The following ANKRD50 variants were observed in gnomAD, a reference collection of about 807,000 sequenced individuals.
ANKRD50 encodes the protein ankyrin repeat domain-containing protein 50.
In ANKRD50, 40 loss-of-function variants were observed where a neutral mutation model predicts 112.0. The observed-to-expected ratio is 0.36, with a 90% confidence interval of 0.28 to 0.46. The LOEUF is 0.46. Ranked by LOEUF, ANKRD50 falls within the 20% of genes least tolerant of loss-of-function variation. The pLI is 1.00. For missense variants in ANKRD50, 1,487 were observed against 1,701.7 expected (o/e 0.87, Z 2.22); for synonymous variants, 613 against 619.1 (o/e 0.99, Z 0.15).
At position 124,668,993 on chromosome 4, in the gene ANKRD50, T is replaced by C. The variant is rs756142279; in HGVS notation, c.4284A>G (p.Pro1428=). Residue 1428 remains proline (P), a synonymous_variant, in exon 4 of 5, where the codon CCA becomes CCG. Coordinates refer to ENST00000504087, the MANE Select transcript of ANKRD50 (RefSeq NM_020337.3). ...GTTGACAAAATATTACCTTTTATAA[T>C]GGTGTTTCCTTTTTATAGTTGAAGC... ...DPSFNYKKET[P]L 24 of 1,598,710 alleles carry C rather than the reference T, an allele frequency of 1.5e-5. No homozygotes were observed. Among genetic ancestry groups the C allele is most frequent in the Admixed American group, 7.3e-5 (4 of 54,954 alleles).
At chr4:124,673,853 T>C (rs1280438019) in intron 3 of ANKRD50, among the ~76,000 whole-genome samples, 2 of 152,076 alleles carry the variant, frequency 1.3e-5, no homozygotes, top group East Asian at 1.9e-4. Flanking sequence ...TGTATATAGA[T>C]TTATATAGCC....
intron 3 of ANKRD50, among the ~76,000 whole-genome samples, chr4:124,678,106 A>G (rs747478012): frequency 2.6e-5 from 4 of 152,142 alleles, no homozygotes; most frequent in Non-Finnish European, 4.4e-5. Context: ...AACATACTGT[A>G]AAATGTATAG....
chr4:124,702,927 T>C lies in ANKRD50; in HGVS notation c.512+7073A>G, dbSNP rs575812836. Among the ~76,000 whole-genome samples, 6 of 152,062 alleles carry C rather than the reference T, an allele frequency of 3.9e-5. No homozygotes were observed. In the South Asian group the frequency reaches 8.3e-4, roughly 21 times the overall value. ...GCTTCAAGAGAAGTTAGTTTAAACATAGGTTAGTGAGGGACTACCAAGTGA... is the reference window on the plus strand; with the variant it reads ...GCTTCAAGAGAAGTTAGTTTAAACACAGGTTAGTGAGGGACTACCAAGTGA... On this transcript the variant is annotated intron_variant, in intron 2 of 4. Transcript: ENST00000504087.
At chr4:124,701,430 G>A (rs1158848201) in intron 2 of ANKRD50, among the ~76,000 whole-genome samples, 1 of 152,086 alleles carries the variant, frequency 6.6e-6, no homozygotes, top group African/African-American at 2.4e-5. Flanking sequence ...TAACCACGAG[G>A]AATATGTAAT....
At chr4:124,696,244 A>G (rs1436566719) in intron 2 of ANKRD50, among the ~76,000 whole-genome samples, 1 of 152,072 alleles carries the variant, frequency 6.6e-6, no homozygotes, top group East Asian at 1.9e-4. Context: ...TGACATTAGG[A>G]ACCCTGAATG....
intron 4 of ANKRD50, among the ~76,000 whole-genome samples, chr4:124,668,379 A>G (rs1302080900): frequency 1.3e-5 from 2 of 152,008 alleles, no homozygotes; most frequent in African/African-American, 4.8e-5. Context: ...ACTACCTTCT[A>G]CTAAGTTTTT....
At chr4:124,685,593 A>C (rs1297749425) in intron 2 of ANKRD50, among the ~76,000 whole-genome samples, 2 of 152,186 alleles carry the variant, frequency 1.3e-5, no homozygotes, top group African/African-American at 4.8e-5. Flanking sequence ...ATTATTCCAA[A>C]TGAGATAATG....
In ANKRD50 at chr4:124,678,705, T is replaced by C; in HGVS notation, c.713A>G (p.Gln238Arg). ...AAACATTTTAGTAACAGCCTTACTC[T>C]GCTTTCGGGCAGAACAGAGAAGCAA... Reference protein sequence around the residue: ...WLLLLCSARKQSKAVTKMFTG... With the variant: ...WLLLLCSARKRSKAVTKMFTG... The change falls in exon 3 of 5, where the codon CAG (glutamine) becomes CGG (arginine). Residue 238 changes from glutamine (Q) to arginine (R), a missense_variant. Physicochemically the swap from Gln to Arg is conservative, Grantham distance 43 (BLOSUM62 1). Coordinates refer to ENST00000504087, the MANE Select transcript of ANKRD50 (RefSeq NM_020337.3). 6.2e-7 allele frequency: 1 copy of C among 1,613,818 alleles called. No homozygotes were observed. The highest frequency in any genetic ancestry group is 8.5e-7 in the Non-Finnish European group (1 of 1,179,732).
intron 3 of ANKRD50, 34 bp downstream of exon 3, chr4:124,678,642 G>A (rs760946524): frequency 3.8e-6 from 6 of 1,570,782 alleles, no homozygotes; most frequent in Non-Finnish European, 5.2e-6. Flanking sequence ...TTAATGAAAA[G>A]CATTTAAGGA....
intron 2 of ANKRD50, among the ~76,000 whole-genome samples, chr4:124,682,118 C>G (rs531131314): frequency 6.6e-6 from 1 of 151,788 alleles, no homozygotes; most frequent in South Asian, 2.1e-4. Flanking sequence ...AGATCGAGAC[C>G]ATCCTGGCTA....
chr4:124,679,919 G>A (rs1724841023), intron 2 of ANKRD50, among the ~76,000 whole-genome samples: 1 of 152,150 alleles, frequency 6.6e-6, no homozygotes, highest in Non-Finnish European at 1.5e-5. Flanking sequence ...ACTGCAGCCA[G>A]GGTCACTTCA....
Position 124,671,919 on chromosome 4 carries a change from T to C in ANKRD50, c.1358A>G (p.Gln453Arg), listed in dbSNP as rs199650354. 5.6e-6 allele frequency: 9 copies of C among 1,613,774 alleles called. No individual in the cohort carries two copies. Among genetic ancestry groups the C allele is most frequent in the Non-Finnish European group, 7.6e-6 (9 of 1,179,874 alleles). The change falls in exon 4 of 5, where the codon CAA (glutamine) becomes CGA (arginine). Residue 453 changes from glutamine (Q) to arginine (R), a missense_variant. Coordinates refer to ENST00000504087, the MANE Select transcript of ANKRD50 (RefSeq NM_020337.3). ...QAKNLTPLEA[Q>R]EFALHLINSN... is the part of the protein sequence containing the mutation. Reference sequence around the variant, plus strand: ...GTTAATTAAGTGCAATGCAAATTCTTGTGCTTCCAATGGTGTTAAATTCTT... The same window carrying C: ...GTTAATTAAGTGCAATGCAAATTCTCGTGCTTCCAATGGTGTTAAATTCTT...
In ANKRD50 at chr4:124,671,447, A is replaced by G. The variant is rs754434217; in HGVS notation, c.1830T>C (p.Asp610=). The change falls in exon 4 of 5, where the codon GAT becomes GAC. Residue 610 remains aspartate, a synonymous_variant. Transcript: ENST00000504087. The part of the protein sequence containing the change: ...CGANINHTDQ[D]GWTALRSAAW... ...CAGCAGATCTTAATGCTGTCCAACCATCTTGATCAGTATGATTAATATTTG... is the reference window on the plus strand; with the variant it reads ...CAGCAGATCTTAATGCTGTCCAACCGTCTTGATCAGTATGATTAATATTTG... 1.9e-6 allele frequency: 3 copies of G among 1,613,798 alleles called. No homozygotes were observed. Among genetic ancestry groups the G allele is most frequent in the South Asian group, 2.2e-5 (2 of 91,084 alleles).
In ANKRD50 at chr4:124,670,356, G is replaced by T. The variant is rs1284899106; in HGVS notation, c.2921C>A (p.Ala974Glu). The T allele has an allele frequency of 1.2e-6, 2 of 1,613,796 alleles. No homozygotes were observed. The highest frequency in any genetic ancestry group is 2.7e-5 in the African/African-American group (2 of 74,886). ...YFLENGANVE[A>E]SDAEGRTALH... is the part of the protein sequence containing the mutation. ...TGCTGTCCTTCCTTCAGCATCACTT[G>T]CTTCTACGTTTGCACCATTTTCTAA... The change falls in exon 4 of 5, where the codon GCA (alanine) becomes GAA (glutamate). Residue 974 changes from alanine (A) to glutamate (E), a missense_variant. Coordinates refer to ENST00000504087, the MANE Select transcript of ANKRD50 (RefSeq NM_020337.3).
rs537148189 is a variant in ANKRD50, at chr4:124,665,913, A to G, written c.*1605T>C. The G allele has an allele frequency of 9.2e-5, 14 of 152,300 alleles. No individual in the cohort carries two copies. The South Asian group carries it at 2.9e-3, about 32-fold the overall frequency. The allele number at this position is 152,300 out of a possible 1,614,324, so 9.4% of individuals were successfully genotyped here. A position where few individuals can be genotyped will look rare whatever the true frequency, so the allele number is the denominator to read the frequency against. ...TTATACATTTCTATTTCCACGAACA[A>G]TGTATCACATGTGTCCTTCATATAT... On this transcript the variant is annotated 3_prime_UTR_variant, in exon 5 of 5. Coordinates refer to ENST00000504087, the MANE Select transcript of ANKRD50 (RefSeq NM_020337.3).
intron 2 of ANKRD50, among the ~76,000 whole-genome samples, chr4:124,706,445 T>G (rs1725504745): frequency 6.6e-6 from 1 of 152,068 alleles, no homozygotes; most frequent in African/African-American, 2.4e-5. Context: ...ATTAACAAAT[T>G]ACGATTTAGC....
At chr4:124,679,118 G>C (rs948461522) in intron 2 of ANKRD50, among the ~76,000 whole-genome samples, 3 of 152,130 alleles carry the variant, frequency 2.0e-5, no homozygotes, top group African/African-American at 7.2e-5. Flanking sequence ...GAACAATCAA[G>C]AGTAGGTGGG....
intron 2 of ANKRD50, among the ~76,000 whole-genome samples, chr4:124,683,299 TTAATA>T (rs958213143): frequency 6.6e-6 from 1 of 151,278 alleles, no homozygotes; most frequent in African/African-American, 2.4e-5. Flanking sequence ...AATACATATA[TTAATA>T]TTATATACTA....
At chr4:124,674,132 G>T (rs1306292566) in intron 3 of ANKRD50, among the ~76,000 whole-genome samples, 4 of 151,630 alleles carry the variant, frequency 2.6e-5, no homozygotes, top group African/African-American at 9.7e-5. Flanking sequence ...GTTAGATAAG[G>T]GAAATACCTA....
Sources: allele counts gnomAD v4.1 joint callset (sites outside exome capture counted in the v4.1 genomes callset), GRCh38; gene constraint gnomAD v4.1.1; transcripts MANE v1.5; gene names NCBI Gene and HGNC (gene_info 2026-07-23, HGNC 2026-07-21).